The following COL19A1 variants were observed in gnomAD, a reference collection of about 807,000 sequenced individuals.
COL19A1 encodes collagen alpha-1(XIX) chain.
A neutral mutation model predicts 190.2 loss-of-function variants in COL19A1; 159 were observed. The ratio of observed to expected loss-of-function variants is 0.84; its 90% CI spans 0.73 to 0.95. The LOEUF (loss-of-function observed/expected upper bound fraction) is 0.95. COL19A1 is among the 40% of genes least tolerant of loss of function. The probability of loss-of-function intolerance (pLI) is 0.00; values close to 1 mark genes in which losing one functional copy is unlikely to be tolerated. For missense variants in COL19A1, 1,418 were observed against 1,431.9 expected (o/e 0.99, Z 0.16); for synonymous variants, 509 against 458.9 (o/e 1.11, Z -1.39).
At chr6:70,114,011 CT>C (rs1268674751) in intron 16 of COL19A1, among the ~76,000 whole-genome samples, 1 of 151,840 alleles carries the variant, frequency 6.6e-6, no homozygotes, top group African/African-American at 2.4e-5. Flanking sequence ...CTAACATGCC[CT>C]GCTAATTTTT....
At chr6:69,989,985 C>A (rs1310059353) in intron 11 of COL19A1, among the ~76,000 whole-genome samples, 1 of 152,014 alleles carries the variant, frequency 6.6e-6, no homozygotes, top group Non-Finnish European at 1.5e-5. Flanking sequence ...AGAGCTTTAT[C>A]TTGTTAAGAA....
At position 69,960,060 on chromosome 6, in the gene COL19A1, T is replaced by C. The variant is rs200050593; in HGVS notation, c.981+20T>C. 8.1e-6 allele frequency: 13 copies of C among 1,602,806 alleles called. No homozygotes were observed. Among genetic ancestry groups the C allele is most frequent in the Non-Finnish European group, 1.1e-5 (13 of 1,174,900 alleles). On this transcript the variant is annotated intron_variant, in intron 10 of 50. Coordinates refer to ENST00000620364, the MANE Select transcript of COL19A1 (RefSeq NM_001858.6). Reference sequence around the variant, plus strand: ...CAAAAGGTAAAGAGTTCTTGAATGTTTCATCTGAGTTAAGAATTTTAACGT... The same window carrying C: ...CAAAAGGTAAAGAGTTCTTGAATGTCTCATCTGAGTTAAGAATTTTAACGT...
At chr6:69,960,593 T>G (rs1454103230) in intron 10 of COL19A1, among the ~76,000 whole-genome samples, 1 of 151,858 alleles carries the variant, frequency 6.6e-6, no homozygotes, top group East Asian at 1.9e-4. Context: ...ATCTTTCTCT[T>G]TAACAAGATG....
chr6:70,064,858 T>C (rs919154486), intron 14 of COL19A1, among the ~76,000 whole-genome samples: 3 of 152,108 alleles, frequency 2.0e-5, no homozygotes, highest in Non-Finnish European at 2.9e-5. Context: ...CCATTCACAA[T>C]TGCTTCAAAC....
intron 15 of COL19A1, among the ~76,000 whole-genome samples, chr6:70,095,059 T>G (rs1470951072): frequency 6.6e-6 from 1 of 152,202 alleles, no homozygotes; most frequent in African/African-American, 2.4e-5. Context: ...TCTCATGCTT[T>G]CTTTCAGTCA....
chr6:70,204,206 AT>A (rs1441867800), intron 49 of COL19A1, among the ~76,000 whole-genome samples: 1 of 152,224 alleles, frequency 6.6e-6, no homozygotes, highest in Non-Finnish European at 1.5e-5. Context: ...CTCTTTGCAG[AT>A]AGACCAGCCT....
At chr6:69,878,815 A>C (rs116104741) in intron 1 of COL19A1, among the ~76,000 whole-genome samples, 1 of 152,216 alleles carries the variant, frequency 6.6e-6, no homozygotes, top group African/African-American at 2.4e-5. Flanking sequence ...ATGTCCATTG[A>C]TGGATGAACA....
intron 2 of COL19A1, among the ~76,000 whole-genome samples, chr6:69,897,487 A>ACC (rs1554160593): frequency 3.5e-5 from 5 of 142,528 alleles, no homozygotes; most frequent in African/African-American, 1.4e-4. Context: ...ACACACACAC[A>ACC]CCCCATACTG....
intron 34 of COL19A1, among the ~76,000 whole-genome samples, chr6:70,157,660 T>G (rs1399254531): frequency 1.3e-5 from 2 of 152,148 alleles, no homozygotes; most frequent in Non-Finnish European, 2.9e-5. Flanking sequence ...GAATACCAAG[T>G]ATATTCAATA....
chr6:70,105,563 C>T (rs1273073881), intron 16 of COL19A1, among the ~76,000 whole-genome samples: 1 of 152,202 alleles, frequency 6.6e-6, no homozygotes, highest in South Asian at 2.1e-4. Flanking sequence ...AGAGATGTTC[C>T]CCCTTAATTG....
intron 49 of COL19A1, among the ~76,000 whole-genome samples, chr6:70,202,462 C>T (rs191948790): frequency 3.3e-5 from 5 of 152,048 alleles, no homozygotes; most frequent in Admixed American, 6.5e-5. Flanking sequence ...GACAATTTGA[C>T]GATATATATC....
chr6:70,187,286 A>G lies in COL19A1; in HGVS notation c.2857-789A>G, dbSNP rs547000694. The stretch of plus-strand genomic sequence containing the variant: ...TTTTCAATGGTTCTCCCTTCTCACC[A>G]TCCCGTGGGTATATATTTAGGGCAC... On this transcript the variant is annotated intron_variant, in intron 46 of 50. Coordinates refer to ENST00000620364, the MANE Select transcript of COL19A1 (RefSeq NM_001858.6). 6.3e-4 allele frequency among the ~76,000 whole-genome samples: 96 copies of G among 152,250 alleles called. 1 individual carries two copies. Among genetic ancestry groups the G allele is most frequent in the African/African-American group, 2.1e-3 (86 of 41,536 alleles).
chr6:69,896,815 A>T (rs1769805694), intron 2 of COL19A1, among the ~76,000 whole-genome samples: 1 of 152,136 alleles, frequency 6.6e-6, no homozygotes, highest in South Asian at 2.1e-4. Flanking sequence ...ATCTTTTTGC[A>T]CATTTTTAGA....
At chr6:70,191,770 C>A (rs1050988614) in intron 48 of COL19A1, among the ~76,000 whole-genome samples, 16 of 152,258 alleles carry the variant, frequency 1.1e-4, no homozygotes, top group African/African-American at 3.6e-4. Flanking sequence ...GTTCCTACTT[C>A]CTTTGCTTAG....
At chr6:70,072,959 T>TTTTATTTATTTATTTA (rs70987496) in intron 15 of COL19A1, among the ~76,000 whole-genome samples, 164 of 144,174 alleles carry the variant, frequency 1.1e-3, no homozygotes, top group Middle Eastern at 0.01. Context: ...ATTGCCTGAA[T>TTTTATTTATTTATTTA]TTTATTTATT....
chr6:70,116,044 C>A (rs3828772), intron 16 of COL19A1, among the ~76,000 whole-genome samples: 66,437 of 151,690 alleles, frequency 0.44, 14,766 homozygotes, highest in South Asian at 0.53. Flanking sequence ...TTGAGTCCCC[C>A]AATATTTTCT....
chr6:69,962,301 G>A (rs182441441), intron 10 of COL19A1, among the ~76,000 whole-genome samples: 6 of 152,328 alleles, frequency 3.9e-5, no homozygotes, highest in Admixed American at 3.9e-4. Context: ...AGCCAGCATA[G>A]TGGACAAGAA....
At chr6:70,052,038 A>G (rs1295578919) in intron 14 of COL19A1, among the ~76,000 whole-genome samples, 1 of 151,926 alleles carries the variant, frequency 6.6e-6, no homozygotes, top group Non-Finnish European at 1.5e-5. Context: ...ACGTTTCTGA[A>G]TTGGCCTTTC....
intron 10 of COL19A1, among the ~76,000 whole-genome samples, chr6:69,961,107 A>T (rs565527286): frequency 1.3e-5 from 2 of 152,320 alleles, no homozygotes; most frequent in South Asian, 4.1e-4. Flanking sequence ...TTGATGTAAT[A>T]TTAGATGCCC....
Sources: allele counts gnomAD v4.1 joint callset (sites outside exome capture counted in the v4.1 genomes callset), GRCh38; gene constraint gnomAD v4.1.1; transcripts MANE v1.5; gene names NCBI Gene and HGNC (gene_info 2026-07-23, HGNC 2026-07-21).